ACSM2A: variants seen among roughly 807,000 people sequenced by gnomAD.
ACSM2A encodes the protein acyl-CoA synthetase medium chain family member 2A, also known as acyl-coenzyme A synthetase ACSM2A, mitochondrial.
In ACSM2A, 72 loss-of-function variants were observed where a neutral mutation model predicts 76.6. That is an observed-to-expected ratio of 0.94 (90% confidence interval 0.78 to 1.14). ACSM2A has a LOEUF of 1.14. Among genes scored for constraint, ACSM2A ranks in the 50% most tolerant of loss-of-function variants. ACSM2A has a pLI of 0.00. For missense variants in ACSM2A, 684 were observed against 708.5 expected, an observed-to-expected ratio of 0.97 and a Z score of 0.39; for synonymous variants, 249 against 255.9, an observed-to-expected ratio of 0.97 and a Z score of 0.26.
chr16:20,458,905 CATATATATATATAT>C (rs72108144), intron 1 of ACSM2A, among the ~76,000 whole-genome samples: 9 of 74,872 alleles, frequency 1.2e-4, no homozygotes, highest in Non-Finnish European at 1.9e-4. Flanking sequence ...TATATATATG[CATATATATATATAT>C]ATATATATAT....
chr16:20,483,245 T>C, intron 13 of ACSM2A, 68 bp downstream of exon 13: 1 of 1,591,800 alleles, frequency 6.3e-7, no homozygotes, highest in Non-Finnish European at 8.6e-7. Flanking sequence ...ATATTTATCT[T>C]CTTCAGGAGG....
chr16:20,471,816 C>T, intron 6 of ACSM2A, 127 bp downstream of exon 6: 1 of 1,477,738 alleles, frequency 6.8e-7, no homozygotes, highest in African/African-American at 1.4e-5. Flanking sequence ...GAACAGTGTT[C>T]AGTAAACGAG....
In ACSM2A at chr16:20,465,796, G is replaced by A. The variant is rs2012960165; in HGVS notation, c.388+69G>A. 2.6e-6 allele frequency: 4 copies of A among 1,550,752 alleles called. No homozygotes were observed. In the South Asian group the frequency reaches 4.8e-5, roughly 19 times the overall value. ...AGAAAACTGATAGCAGAGAAATGCA[G>A]CCACCTCTCTCAAAAGAAGTCTCCT... On this transcript the variant is annotated intron_variant, in intron 3 of 13. Coordinates refer to ENST00000573854, the MANE Select transcript of ACSM2A (RefSeq NM_001308172.2).
At chr16:20,457,231 CCAGA>C (rs2012231972) in intron 1 of ACSM2A, among the ~76,000 whole-genome samples, 1 of 151,796 alleles carries the variant, frequency 6.6e-6, no homozygotes, top group African/African-American at 2.4e-5. Context: ...CTGAATTCTA[CCAGA>C]CATTCAAAGA....
At chr16:20,475,851 GCCA>G (rs1197554337) in intron 8 of ACSM2A, 78 bp downstream of exon 8, 22 of 1,596,492 alleles carry the variant, frequency 1.4e-5, no homozygotes, top group Non-Finnish European at 1.9e-5. Flanking sequence ...AAAATTGTTA[GCCA>G]CCATGTATCA....
intron 1 of ACSM2A, among the ~76,000 whole-genome samples, chr16:20,456,887 T>G (rs1470574173): frequency 6.8e-6 from 1 of 147,106 alleles, no homozygotes; most frequent in Non-Finnish European, 1.5e-5. Context: ...TAAATAAGAT[T>G]GGTAGACCAT....
At chr16:20,468,500 C>G (rs1350327857) in intron 3 of ACSM2A, among the ~76,000 whole-genome samples, 1 of 152,194 alleles carries the variant, frequency 6.6e-6, no homozygotes, top group Non-Finnish European at 1.5e-5. Flanking sequence ...GCTGGGATTA[C>G]AGGCGTGTGC....
At chr16:20,475,497 C>T (rs1227571069) in intron 7 of ACSM2A, 56 bp downstream of exon 7, 1 of 1,608,614 alleles carries the variant, frequency 6.2e-7, no homozygotes, top group African/African-American at 1.3e-5. Flanking sequence ...CTGACTCCCT[C>T]ACATACATTC....
intron 1 of ACSM2A, among the ~76,000 whole-genome samples, chr16:20,457,732 A>G (rs2012279252): frequency 6.6e-6 from 1 of 152,090 alleles, no homozygotes; most frequent in South Asian, 2.1e-4. Flanking sequence ...AAAAGTTGAA[A>G]GCATTCCCTC....
Position 20,471,541 on chromosome 16 carries a change from C to T in ACSM2A, c.746C>T (p.Thr249Ile). 6.2e-7 allele frequency: 1 copy of T among 1,610,798 alleles called. No homozygotes were observed. Among genetic ancestry groups the T allele is most frequent in the Non-Finnish European group, 8.5e-7 (1 of 1,178,472 alleles). Residue 249 changes from threonine to isoleucine, a missense_variant, in exon 6 of 14, where the codon ACA becomes ATA. By Grantham distance (89) the Thr-to-Ile change is moderately conservative. Transcript: ENST00000573854. ...GLKAKMDAGW[T>I]GLQASDIMWT... ...TGTTTTGTCTGTGTTTTCAGTTGGACAGGCCTGCAAGCCTCTGATATAATG... is the reference window on the plus strand; with the variant it reads ...TGTTTTGTCTGTGTTTTCAGTTGGATAGGCCTGCAAGCCTCTGATATAATG...
chr16:20,483,441 G>A (rs1334961515), intron 13 of ACSM2A, among the ~76,000 whole-genome samples: 1 of 151,298 alleles, frequency 6.6e-6, no homozygotes, highest in Non-Finnish European at 1.5e-5. Flanking sequence ...GTAGTGGCAT[G>A]TGCCTGTAAT....
At position 20,475,768 on chromosome 16, in the gene ACSM2A, G is replaced by A; in HGVS notation, c.1093G>A (p.Glu365Lys). Residue 365 changes from glutamate (E) to lysine (K), a missense_variant, in exon 8 of 14, where the codon GAA becomes AAA. This residue lies in a region of ACSM2A where 519 missense variants were observed against 549.5 expected (regional missense o/e 0.94). Transcript: ENST00000573854. ...CATCCGAGAATCCTATGGCCAGACA[G>A]AAACGGTACCTGTTCCCAGGGGAAC... ...LDIRESYGQT[E>K]TGLTCMVSKT... 1 of 1,613,940 alleles carries A rather than the reference G, an allele frequency of 6.2e-7. No individual in the cohort carries two copies. The highest frequency in any genetic ancestry group is 8.5e-7 in the Non-Finnish European group (1 of 1,179,852).
At chr16:20,480,174 T>C (rs989264908) in intron 10 of ACSM2A, among the ~76,000 whole-genome samples, 3 of 152,218 alleles carry the variant, frequency 2.0e-5, no homozygotes, top group African/African-American at 7.2e-5. Flanking sequence ...TCTAGAACTT[T>C]CAAATTTAAC....
chr16:20,464,246 A>G lies in ACSM2A; in HGVS notation c.178-1271A>G, dbSNP rs576704526. ...ACTCTTCGATTTCTTCCCATGACCT[A>G]GTTCCAGAGTTAGTTCTACATTTTC... is the stretch of plus-strand genomic sequence containing the variant. On this transcript the variant is annotated intron_variant, in intron 2 of 13. Coordinates refer to ENST00000573854, the MANE Select transcript of ACSM2A (RefSeq NM_001308172.2). 4.6e-5 allele frequency among the ~76,000 whole-genome samples: 7 copies of G among 152,258 alleles called. No individual in the cohort carries two copies. In the South Asian group the frequency reaches 1.0e-3, roughly 23 times the overall value.
chr16:20,475,250 G>A (rs1444280077), intron 6 of ACSM2A, 112 bp from the exon 7 acceptor site: 3 of 1,578,418 alleles, frequency 1.9e-6, no homozygotes, highest in East Asian at 2.3e-5. Flanking sequence ...ACAAGCTAGG[G>A]TTTTCATCCA....
At chr16:20,452,213 G>C (rs971268518) in intron 1 of ACSM2A, 10 of 152,002 alleles carry the variant, frequency 6.6e-5, no homozygotes, top group African/African-American at 2.4e-4. Flanking sequence ...ATTAACATTT[G>C]AGTCGGTGGG....
At chr16:20,475,881 G>A (rs1010780618) in intron 8 of ACSM2A, 108 bp downstream of exon 8, 1 of 1,554,630 alleles carries the variant, frequency 6.4e-7, no homozygotes, top group Non-Finnish European at 8.7e-7. Context: ...TATTCGAGAA[G>A]TATTTATTGA....
chr16:20,456,977 AACCG>A (rs2012209947), intron 1 of ACSM2A, among the ~76,000 whole-genome samples: 1 of 151,948 alleles, frequency 6.6e-6, no homozygotes, highest in Non-Finnish European at 1.5e-5. Context: ...GAGATATTAC[AACCG>A]ACACCACAGA....
At chr16:20,464,945 T>A (rs2012885135) in intron 2 of ACSM2A, among the ~76,000 whole-genome samples, 1 of 151,566 alleles carries the variant, frequency 6.6e-6, no homozygotes, top group South Asian at 2.1e-4. Flanking sequence ...ATGTTATGTG[T>A]ATTTTTACTA....
Sources: gnomAD v4.1 joint callset for allele counts (sites outside exome capture counted in the v4.1 genomes callset) on GRCh38, gnomAD v4.1.1 for gene constraint, gnomAD v4.1.1 regional missense constraint, MANE v1.5 for transcripts, NCBI Gene and HGNC (gene_info 2026-07-23, HGNC 2026-07-21) for gene names.